TMEM44: variants seen among roughly 807,000 people sequenced by gnomAD.
The protein encoded by TMEM44 is transmembrane protein 44.
TMEM44 carries 43 observed loss-of-function variants against 47.8 expected under a neutral mutation model. The ratio of observed to expected loss-of-function variants is 0.90; its 90% CI spans 0.70 to 1.16. The LOEUF (loss-of-function observed/expected upper bound fraction) is 1.16, where lower values mean the gene tolerates loss of function less well. TMEM44 is among the 50% of genes most tolerant of loss of function. The probability of loss-of-function intolerance (pLI) is 0.00; values close to 1 mark genes in which losing one functional copy is unlikely to be tolerated. For missense variants in TMEM44, 568 were observed against 555.2 expected, an observed-to-expected ratio of 1.02 and a Z score of -0.23; for synonymous variants, 277 against 238.8, an observed-to-expected ratio of 1.16 and a Z score of -1.48.
intron 2 of TMEM44, among the ~76,000 whole-genome samples, chr3:194,626,809 G>A (rs558439130): frequency 1.5e-4 from 22 of 150,758 alleles, no homozygotes; most frequent in African/African-American, 4.4e-4. Flanking sequence ...TCAGCCTCCC[G>A]AGCAGCTGGG....
rs377747848 is a variant in TMEM44 at position 194,629,780 on chromosome 3, C to T, written c.138-1271G>A. Among the ~76,000 whole-genome samples the T allele has an allele frequency of 5.0e-4, 18 of 35,972 alleles. No individual in the cohort carries two copies. The East Asian group carries it at 9.4e-3, about 19-fold the overall frequency. The allele number at this position is 35,972 out of a possible 152,430, so 23.6% of individuals were successfully genotyped here. A position where few individuals can be genotyped will look rare whatever the true frequency, so the allele number is the denominator to read the frequency against. ...CACTGATAGGGCCCCTGAAATAATA[C>T]GCTGTCGTACCTGCCTCCCGGAGGG... On this transcript the variant is annotated intron_variant, in intron 1 of 9. Coordinates refer to ENST00000347147, the MANE Select transcript of TMEM44 (RefSeq NM_001011655.3).
chr3:194,588,677 G>A (rs1248991258), intron 9 of TMEM44, 38 bp from the exon 10 acceptor site: 3 of 1,572,958 alleles, frequency 1.9e-6, no homozygotes, highest in African/African-American at 1.3e-5. Context: ...TGGGTGGAAC[G>A]GATAGATGCT....
Position 194,623,211 on chromosome 3 carries a change from C to T in TMEM44, c.612+13G>A. The T allele has an allele frequency of 1.3e-6, 2 of 1,598,182 alleles. No homozygotes were observed. Among genetic ancestry groups the T allele is most frequent in the Non-Finnish European group, 1.7e-6 (2 of 1,171,876 alleles). On this transcript the variant is annotated intron_variant, in intron 5 of 9. Coordinates refer to ENST00000347147, the MANE Select transcript of TMEM44 (RefSeq NM_001011655.3). ...CATGTGACCCACAGTCCCATCCCCA[C>T]CCCCGGCCTCACAATTCTGGAGAGA... is the stretch of plus-strand genomic sequence containing the variant.
Position 194,615,617 on chromosome 3 carries a change from G to A in TMEM44, c.864C>T (p.Asp288=), listed in dbSNP as rs753525326. The change falls in exon 7 of 10, where the codon GAC becomes GAT. Residue 288 remains aspartate, a synonymous_variant. Coordinates refer to ENST00000347147, the MANE Select transcript of TMEM44 (RefSeq NM_001011655.3). ...CTGCACAGGTCAAAAGGGCTTGGGT[G>A]TCAGGGCTCTCTCTGGCTTCCTTGG... ...GFAKEARESP[D]TQALLTCAEK... 3 of 1,614,212 alleles carry A rather than the reference G, an allele frequency of 1.9e-6. No individual in the cohort carries two copies. The highest frequency in any genetic ancestry group is 4.5e-5 in the East Asian group (2 of 44,882).
intron 7 of TMEM44, 39 bp downstream of exon 7, chr3:194,615,530 G>T: frequency 6.2e-7 from 1 of 1,606,250 alleles, no homozygotes. Flanking sequence ...GCTGGGACCA[G>T]AGTTTTCCAG....
chr3:194,633,173 C>G lies in TMEM44; in HGVS notation c.43G>C (p.Asp15His). 4.5e-6 allele frequency: 7 copies of G among 1,541,482 alleles called. No individual in the cohort carries two copies. Among genetic ancestry groups the G allele is most frequent in the Non-Finnish European group, 6.1e-6 (7 of 1,143,468 alleles). Reference sequence around the variant, plus strand: ...CGGGCGAAGCAGCGGTCCAGGTAGTCCCAGTCCCAGAGCGCGGGCGCGGGG... The same window carrying G: ...CGGGCGAAGCAGCGGTCCAGGTAGTGCCAGTCCCAGAGCGCGGGCGCGGGG... ...PSPAPALWDW[D>H]YLDRCFARHR... is the part of the protein sequence containing the mutation. Residue 15 changes from aspartate to histidine, a missense_variant, in exon 1 of 10, where the codon GAC becomes CAC. Asp to His is a moderately conservative substitution (Grantham distance 81, BLOSUM62 -1). Transcript: ENST00000347147.
At chr3:194,601,691 A>G (rs58778552) in intron 9 of TMEM44, among the ~76,000 whole-genome samples, 3,360 of 150,494 alleles carry the variant, frequency 0.022, 135 homozygotes, top group African/African-American at 0.077. Context: ...CAGGTGATCC[A>G]CCCGCCTCTG....
chr3:194,588,738 C>T lies in TMEM44; in HGVS notation c.1177-99G>A, dbSNP rs368415765. ...AAACAAAAGCTCCAATCTTGGTTCT[C>T]ATGATCCAGGCACAGACAAGGACAA... On this transcript the variant is annotated intron_variant, in intron 9 of 9. Coordinates refer to ENST00000347147, the MANE Select transcript of TMEM44 (RefSeq NM_001011655.3). The T allele has an allele frequency of 1.2e-4, 143 of 1,204,522 alleles. 1 individual carries two copies. In the African/African-American group the frequency reaches 1.5e-3, roughly 13 times the overall value. 74.6% of individuals were successfully genotyped at this position (1,204,522 alleles called of 1,614,324 possible).
At chr3:194,596,123 G>A (rs1422207426) in intron 9 of TMEM44, among the ~76,000 whole-genome samples, 1 of 152,052 alleles carries the variant, frequency 6.6e-6, no homozygotes, top group Non-Finnish European at 1.5e-5. Context: ...GCGTTCTGGA[G>A]CTCAGGCTTA....
rs1467008389 is a variant in TMEM44 at position 194,623,553 on chromosome 3, C to T, written c.501G>A (p.Arg167=). ...CCTGCAGCAGGCTCGCTAGCAGCCT[C>T]CGCTGTGGCCCCCGGATGGTGGCTG... ...KASATIRGPQ[R]RLLASLLQEN... is the part of the protein sequence containing the mutation. Residue 167 remains arginine, a synonymous_variant, in exon 4 of 10, where the codon CGG becomes CGA. Transcript: ENST00000347147. 1 of 1,604,650 alleles carries T rather than the reference C, an allele frequency of 6.2e-7. No homozygotes were observed. Among genetic ancestry groups the T allele is most frequent in the Admixed American group, 1.7e-5 (1 of 58,990 alleles).
intron 9 of TMEM44, among the ~76,000 whole-genome samples, chr3:194,602,426 A>C (rs2109166612): frequency 6.6e-6 from 1 of 152,246 alleles, no homozygotes; most frequent in East Asian, 1.9e-4. Context: ...ACATGGTGAA[A>C]CCTCATCTTT....
At chr3:194,589,348 C>T (rs1313985898) in intron 9 of TMEM44, 3 of 152,394 alleles carry the variant, frequency 2.0e-5, no homozygotes, top group African/African-American at 7.2e-5. Flanking sequence ...CCCAGGAAGC[C>T]TACCTTGACC....
intron 9 of TMEM44, among the ~76,000 whole-genome samples, chr3:194,595,417 T>C (rs1056021702): frequency 2.6e-5 from 4 of 152,232 alleles, no homozygotes; most frequent in Non-Finnish European, 5.9e-5. Context: ...TCTAAGTTAC[T>C]GAGGAAATAG....
rs1395947083 is a variant in TMEM44, at chr3:194,611,515, C to T, written c.913-495G>A. Among the ~76,000 whole-genome samples the T allele has an allele frequency of 1.3e-5, 2 of 152,206 alleles. No individual in the cohort carries two copies. The highest frequency in any genetic ancestry group is 1.3e-4 in the Admixed American group (2 of 15,278). On this transcript the variant is annotated intron_variant, in intron 7 of 9. Coordinates refer to ENST00000347147, the MANE Select transcript of TMEM44 (RefSeq NM_001011655.3). This position sits in a 1 kb window ranked among gnomAD's most constrained non-coding sequence, Gnocchi z 4.2. Reference sequence around the variant, plus strand: ...GTGAGACCCTGTCGTACAAACAAAACAAAACAAGGAATGCCTACTTCCCAC... The same window carrying T: ...GTGAGACCCTGTCGTACAAACAAAATAAAACAAGGAATGCCTACTTCCCAC...
At chr3:194,609,179 C>T (rs1715065535) in intron 8 of TMEM44, among the ~76,000 whole-genome samples, 1 of 151,996 alleles carries the variant, frequency 6.6e-6, no homozygotes, top group African/African-American at 2.4e-5. Flanking sequence ...ACGAGGTAAG[C>T]GTGAGATGCC....
chr3:194,608,821 G>C lies in TMEM44; in HGVS notation c.1017+2095C>G, dbSNP rs371335529. 8.5e-5 allele frequency among the ~76,000 whole-genome samples: 13 copies of C among 152,294 alleles called. No homozygotes were observed. In the East Asian group the frequency reaches 1.9e-3, roughly 23 times the overall value. ...GGTTCCCAAAGTATTAGGATTACAG[G>C]TGTGGGCCACCAAGAGCTCTGGCCC... On this transcript the variant is annotated intron_variant, in intron 8 of 9. Coordinates refer to ENST00000347147, the MANE Select transcript of TMEM44 (RefSeq NM_001011655.3).
chr3:194,595,392 A>G (rs1166950848), intron 9 of TMEM44, among the ~76,000 whole-genome samples: 4 of 152,278 alleles, frequency 2.6e-5, no homozygotes, highest in Admixed American at 2.6e-4. Context: ...TAATTCTGGA[A>G]GAGTTTAGGA....
rs750759430 is a variant in TMEM44 at position 194,633,140 on chromosome 3, C to G, written c.76G>C (p.Val26Leu). The G allele has an allele frequency of 1.3e-6, 2 of 1,551,284 alleles. No individual in the cohort carries two copies. The highest frequency in any genetic ancestry group is 2.7e-5 in the African/African-American group (2 of 73,126). The change falls in exon 1 of 10, where the codon GTC becomes CTC. Residue 26 changes from valine to leucine, a missense_variant. Physicochemically the swap from Val to Leu is conservative, Grantham distance 32. Transcript: ENST00000347147. The stretch of plus-strand genomic sequence containing the variant: ...ATCCACAGGCCGAAGGAGATGCAGA[C>G]GCGGTGGCGGGCGAAGCAGCGGTCC... ...YLDRCFARHR[V>L]CISFGLWICA... is the part of the protein sequence containing the mutation.
chr3:194,628,944 C>T (rs1383311402), intron 1 of TMEM44, among the ~76,000 whole-genome samples: 5 of 152,046 alleles, frequency 3.3e-5, no homozygotes, highest in African/African-American at 9.7e-5. Context: ...CAGGAGGATC[C>T]TCTGAGGTCA....
Sources: allele counts gnomAD v4.1 joint callset (sites outside exome capture counted in the v4.1 genomes callset), GRCh38; gene constraint gnomAD v4.1.1; non-coding constraint Gnocchi (gnomAD v3.1); transcripts MANE v1.5; gene names NCBI Gene and HGNC (gene_info 2026-07-23, HGNC 2026-07-21).